The following FOXN3 variants were observed in gnomAD, a reference collection of about 807,000 sequenced individuals.
The protein encoded by FOXN3 is forkhead box N3.
Under a neutral mutation model 38.4 loss-of-function variants are expected in FOXN3, and 7 were observed. The ratio of observed to expected loss-of-function variants is 0.18; its 90% CI spans 0.10 to 0.34. The LOEUF (loss-of-function observed/expected upper bound fraction) is 0.34. Among genes scored for constraint, FOXN3 ranks in the 10% least tolerant of loss-of-function variants. FOXN3 has a pLI of 1.00. For missense variants in FOXN3, 456 were observed against 613.4 expected, an observed-to-expected ratio of 0.74 and a Z score of 2.71; for synonymous variants, 230 against 242.2, an observed-to-expected ratio of 0.95 and a Z score of 0.47.
chr14:89,359,963 A>G (rs941530171), intron 2 of FOXN3, among the ~76,000 whole-genome samples: 1 of 152,164 alleles, frequency 6.6e-6, no homozygotes, highest in Non-Finnish European at 1.5e-5. Context: ...ACCAAAAGAT[A>G]CTTGTAACTT....
At chr14:89,393,183 C>A (rs1420665964) in intron 2 of FOXN3, among the ~76,000 whole-genome samples, 1 of 152,052 alleles carries the variant, frequency 6.6e-6, no homozygotes, top group East Asian at 1.9e-4. Flanking sequence ...TCAGGCAATC[C>A]ACCCACCTCA....
intron 1 of FOXN3, among the ~76,000 whole-genome samples, chr14:89,426,510 A>C (rs1369881998): frequency 6.6e-6 from 1 of 152,020 alleles, no homozygotes; most frequent in East Asian, 1.9e-4. Flanking sequence ...GGCCTGAGCC[A>C]CCATGCCCGG....
chr14:89,203,054 G>A (rs925675805), intron 4 of FOXN3, among the ~76,000 whole-genome samples: 1 of 132,022 alleles, frequency 7.6e-6, no homozygotes, highest in Non-Finnish European at 1.6e-5. Flanking sequence ...GTCCAGTGGT[G>A]CTCTAAGAAC....
chr14:89,371,312 C>T (rs929804418), intron 2 of FOXN3, among the ~76,000 whole-genome samples: 1 of 152,128 alleles, frequency 6.6e-6, no homozygotes, highest in Non-Finnish European at 1.5e-5. Context: ...GGGAAAGTAA[C>T]TATCAAGTGC....
intron 1 of FOXN3, among the ~76,000 whole-genome samples, chr14:89,532,993 G>A (rs77802335): frequency 3.3e-5 from 5 of 152,258 alleles, no homozygotes; most frequent in African/African-American, 1.2e-4. Context: ...CAACAAAAAT[G>A]GGAAGAAATT....
upstream of FOXN3, among the ~76,000 whole-genome samples, chr14:89,418,805 G>A (rs541303057): frequency 5.3e-5 from 8 of 152,248 alleles, no homozygotes; most frequent in East Asian, 9.7e-4. Flanking sequence ...CTCCATCAGC[G>A]CGTCAGTTGA....
chr14:89,385,499 T>TAAAA lies in FOXN3; in HGVS notation c.543+26431_543+26434dup, dbSNP rs10681650. 2.7e-4 allele frequency among the ~76,000 whole-genome samples: 29 copies of TAAAA among 108,814 alleles called. 1 individual carries two copies. Among genetic ancestry groups the TAAAA allele is most frequent in the African/African-American group, 8.7e-4 (26 of 30,048 alleles). 71.4% of individuals were successfully genotyped at this position (108,814 alleles called of 152,430 possible). A position where few individuals can be genotyped will look rare whatever the true frequency, so the allele number is the denominator to read the frequency against. On this transcript the variant is annotated intron_variant, in intron 2 of 5. Transcript: ENST00000557258. ...AATAACAAAAGCTGAGGCAAACATT[T>TAAAA]AAAAAAAAAAAAAAAAAAAAAAGGA...
chr14:89,468,796 C>T (rs1288433155), intron 1 of FOXN3, among the ~76,000 whole-genome samples: 4 of 152,150 alleles, frequency 2.6e-5, no homozygotes, highest in Non-Finnish European at 5.9e-5. Flanking sequence ...TTGGCTGTTG[C>T]TGTTACAAAC....
At chr14:89,270,935 G>T (rs150452102) in intron 4 of FOXN3, among the ~76,000 whole-genome samples, 26 of 152,322 alleles carry the variant, frequency 1.7e-4, no homozygotes, top group Non-Finnish European at 3.1e-4. Flanking sequence ...GACCTGGGGA[G>T]AAAGACGGGC....
intron 1 of FOXN3, among the ~76,000 whole-genome samples, chr14:89,530,171 C>G (rs1040380422): frequency 6.6e-6 from 1 of 152,052 alleles, no homozygotes; most frequent in African/African-American, 2.4e-5. Flanking sequence ...AACTCCTGAC[C>G]TCGTGATCCG....
At chr14:89,414,152 C>CA (rs923180140) in intron 1 of FOXN3, among the ~76,000 whole-genome samples, 2 of 151,672 alleles carry the variant, frequency 1.3e-5, no homozygotes, top group African/African-American at 4.8e-5. Flanking sequence ...CCATCTCCAC[C>CA]AAAAAAATAC....
intron 1 of FOXN3, among the ~76,000 whole-genome samples, chr14:89,579,653 C>T (rs1358784258): frequency 1.3e-5 from 2 of 152,072 alleles, no homozygotes; most frequent in Non-Finnish European, 2.9e-5. Flanking sequence ...CTTCCTGTTC[C>T]TCAGACATGC....
chr14:89,381,289 A>C (rs1028570260), intron 2 of FOXN3, among the ~76,000 whole-genome samples: 1 of 152,110 alleles, frequency 6.6e-6, no homozygotes, highest in African/African-American at 2.4e-5. Context: ...TCTACTGTGG[A>C]CTATGTACTC....
At chr14:89,173,972 G>A (rs957759346) in intron 5 of FOXN3, among the ~76,000 whole-genome samples, 1 of 152,052 alleles carries the variant, frequency 6.6e-6, no homozygotes, top group Non-Finnish European at 1.5e-5. Context: ...TGGTGTGGGT[G>A]ACAAAGCGAG....
intron 2 of FOXN3, among the ~76,000 whole-genome samples, chr14:89,357,806 T>C (rs1889297379): frequency 6.6e-6 from 1 of 152,194 alleles, no homozygotes; most frequent in Non-Finnish European, 1.5e-5. Context: ...CTCATGATGA[T>C]GCAATTGCCT....
chr14:89,415,400 T>C (rs569495921), intron 1 of FOXN3, among the ~76,000 whole-genome samples: 1 of 152,208 alleles, frequency 6.6e-6, no homozygotes, highest in East Asian at 1.9e-4. Flanking sequence ...GCCAGCAATA[T>C]GGTTTTAGGA....
intron 3 of FOXN3, among the ~76,000 whole-genome samples, chr14:89,289,787 A>C (rs1216122680): frequency 1.3e-5 from 2 of 152,308 alleles, no homozygotes; most frequent in Non-Finnish European, 2.9e-5. Flanking sequence ...AAAACTGTAC[A>C]TTTCTCAGGG....
intron 1 of FOXN3, among the ~76,000 whole-genome samples, chr14:89,475,811 T>G (rs1332948676): frequency 6.6e-6 from 1 of 152,200 alleles, no homozygotes; most frequent in African/African-American, 2.4e-5. Flanking sequence ...TGAAGAATCA[T>G]ATAGTCTTCA....
At chr14:89,357,549 G>A (rs1055130079) in intron 2 of FOXN3, among the ~76,000 whole-genome samples, 3 of 151,586 alleles carry the variant, frequency 2.0e-5, no homozygotes, top group East Asian at 2.0e-4. Flanking sequence ...CGAAGGTTGC[G>A]GTGAGCCGAG....
Sources: gnomAD v4.1 joint callset for allele counts (sites outside exome capture counted in the v4.1 genomes callset) on GRCh38, gnomAD v4.1.1 for gene constraint, MANE v1.5 for transcripts, NCBI Gene and HGNC (gene_info 2026-07-23, HGNC 2026-07-21) for gene names.